Variants in WDR20 observed in about 807,000 individuals in gnomAD.
WDR20 encodes WD repeat domain 20.
Under a neutral mutation model 38.7 loss-of-function variants are expected in WDR20, and 3 were observed. The ratio of observed to expected loss-of-function variants is 0.08; its 90% CI spans 0.04 to 0.20. WDR20 has a LOEUF of 0.20. Ranked by LOEUF, WDR20 falls within the 10% of genes least tolerant of loss-of-function variation. The pLI, the probability that WDR20 is intolerant of heterozygous loss-of-function variation, is 1.00. For missense variants in WDR20, 559 were observed against 727.7 expected, an observed-to-expected ratio of 0.77 and a Z score of 2.67; for synonymous variants, 298 against 285.6, an observed-to-expected ratio of 1.04 and a Z score of -0.44.
At position 102,207,853 on chromosome 14, in the gene WDR20, G is replaced by A. The variant is rs77239022; in HGVS notation, c.433-750G>A. 1.3e-5 allele frequency among the ~76,000 whole-genome samples: 2 copies of A among 152,314 alleles called. No homozygotes were observed. The highest frequency in any genetic ancestry group is 3.9e-4 in the East Asian group (2 of 5,188). On this transcript the variant is annotated intron_variant, in intron 2 of 2. Coordinates refer to ENST00000342702, the MANE Select transcript of WDR20 (RefSeq NM_144574.4). This position sits in a 1 kb window ranked among gnomAD's most constrained non-coding sequence, Gnocchi z 5.0. ...GCCTGTTAAAGAAACATCTCGGTCA[G>A]GGGTCCAAAGTTAGCATATGGAGCA... is the stretch of plus-strand genomic sequence containing the variant.
intron 1 of WDR20, among the ~76,000 whole-genome samples, chr14:102,161,963 A>G (rs1197415619): frequency 6.6e-6 from 1 of 152,202 alleles, no homozygotes; most frequent in Non-Finnish European, 1.5e-5. Flanking sequence ...CGGCCAAGGA[A>G]ATACGCACTG....
intron 1 of WDR20, among the ~76,000 whole-genome samples, chr14:102,160,947 CAAAAAAA>C (rs57488628): frequency 1.8e-5 from 1 of 54,650 alleles, no homozygotes; most frequent in Admixed American, 3.3e-4. Context: ...GACTCTGTCT[CAAAAAAA>C]AAAAAAAAAA....
chr14:102,178,905 A>T (rs952181000), intron 1 of WDR20: 8 of 152,006 alleles, frequency 5.3e-5, no homozygotes, highest in African/African-American at 1.9e-4. Context: ...GGCGCGTCCC[A>T]CTTTATATTA....
chr14:102,153,372 T>A (rs1474745547), intron 1 of WDR20, among the ~76,000 whole-genome samples: 4 of 147,916 alleles, frequency 2.7e-5, no homozygotes, highest in African/African-American at 1.0e-4. Context: ...AGCAGTGTGA[T>A]CTCGGCTCAC....
At chr14:102,186,320 G>C (rs2064709801) in intron 1 of WDR20, among the ~76,000 whole-genome samples, 1 of 152,208 alleles carries the variant, frequency 6.6e-6, no homozygotes, top group African/African-American at 2.4e-5. Flanking sequence ...GTGCTGTGCA[G>C]CTGATTGTTA....
rs1269433864 is a variant in WDR20 at position 102,210,472 on chromosome 14, A to AT, written c.*596dup. 1 of 985,126 alleles carries AT rather than the reference A, an allele frequency of 1.0e-6. No individual in the cohort carries two copies. Among genetic ancestry groups the AT allele is most frequent in the East Asian group, 1.1e-4 (1 of 8,822 alleles). 61.0% of individuals were successfully genotyped at this position (985,126 alleles called of 1,614,324 possible). On this transcript the variant is annotated 3_prime_UTR_variant, in exon 3 of 3. Transcript: ENST00000342702. ...AGAAGAGCCTTAATTTTTAAAACCC[A>AT]TTTTAGTCATTTTATGACAATTAAA...
At chr14:102,150,227 G>C (rs1273920354) in intron 1 of WDR20, among the ~76,000 whole-genome samples, 1 of 152,142 alleles carries the variant, frequency 6.6e-6, no homozygotes, top group Non-Finnish European at 1.5e-5. Flanking sequence ...TGTAATCCTA[G>C]CACGTTGGGA....
intron 1 of WDR20, among the ~76,000 whole-genome samples, chr14:102,142,774 C>CTGTTTTTTTTTT (rs1193456475): frequency 3.5e-5 from 3 of 85,038 alleles, no homozygotes; most frequent in African/African-American, 1.3e-4. Context: ...GCTGTTTTGA[C>CTGTTTTTTTTTT]TTTTTTTTTT....
intron 1 of WDR20, among the ~76,000 whole-genome samples, chr14:102,140,800 T>C (rs2050754169): frequency 6.6e-6 from 1 of 152,204 alleles, no homozygotes; most frequent in Non-Finnish European, 1.5e-5. Context: ...GTGGGGACCT[T>C]CTGAAAGATT....
chr14:102,211,395 G>A (rs1054841304), downstream of WDR20, among the ~76,000 whole-genome samples: 1 of 151,922 alleles, frequency 6.6e-6, no homozygotes, highest in Admixed American at 6.6e-5. This position sits in a 1 kb window ranked among gnomAD's most constrained non-coding sequence, Gnocchi z 4.2. Flanking sequence ...CAGGAAAGCC[G>A]GGCCAGGTTC....
intron 2 of WDR20, among the ~76,000 whole-genome samples, chr14:102,197,595 G>A (rs1439722229): frequency 1.3e-5 from 2 of 152,220 alleles, no homozygotes; most frequent in Non-Finnish European, 2.9e-5. Flanking sequence ...GTGGGACTTG[G>A]AGTGTCAGAG....
At chr14:102,160,129 C>T (rs760139949) in intron 1 of WDR20, among the ~76,000 whole-genome samples, 3 of 150,684 alleles carry the variant, frequency 2.0e-5, no homozygotes, top group Non-Finnish European at 4.4e-5. Context: ...AACTTGAATG[C>T]GCTCAAATTA....
chr14:102,199,783 C>G (rs1262340492), intron 2 of WDR20, among the ~76,000 whole-genome samples: 1 of 152,206 alleles, frequency 6.6e-6, no homozygotes, highest in Non-Finnish European at 1.5e-5. Flanking sequence ...AAATTCCCAT[C>G]TGGGAACAAG....
chr14:102,200,268 A>G (rs2060073767), intron 2 of WDR20, among the ~76,000 whole-genome samples: 2 of 152,178 alleles, frequency 1.3e-5, no homozygotes. Context: ...AGCGTTCTGT[A>G]CATATGATGC....
intron 1 of WDR20, among the ~76,000 whole-genome samples, chr14:102,177,342 A>G (rs1283253053): frequency 2.6e-5 from 4 of 152,232 alleles, no homozygotes. Flanking sequence ...GTGAGACTGC[A>G]GGAACTGTGA....
chr14:102,139,945 A>G lies in WDR20; in HGVS notation c.22A>G (p.Lys8Glu). The G allele has an allele frequency of 6.2e-7, 1 of 1,613,460 alleles. No homozygotes were observed. The highest frequency in any genetic ancestry group is 8.5e-7 in the Non-Finnish European group (1 of 1,179,428). MATEGGG[K>E]EMNEIKTQFT... ...CAAGATGGCGACGGAGGGAGGAGGG[A>G]AGGAGATGAACGAGATTAAGACCCA... The change falls in exon 1 of 3, where the codon AAG becomes GAG. Residue 8 changes from lysine (K) to glutamate (E), a missense_variant. Lys to Glu is a moderately conservative substitution (Grantham distance 56). Transcript: ENST00000342702.
chr14:102,196,793 A>G (rs2059485013), intron 2 of WDR20, among the ~76,000 whole-genome samples: 1 of 152,184 alleles, frequency 6.6e-6, no homozygotes, highest in African/African-American at 2.4e-5. Flanking sequence ...ATTCTTCATG[A>G]TTTAAGCATG....
intron 1 of WDR20, among the ~76,000 whole-genome samples, chr14:102,156,995 TA>T (rs1312531209): frequency 6.6e-6 from 1 of 151,786 alleles, no homozygotes; most frequent in African/African-American, 2.4e-5. Context: ...CGTCTCAAAA[TA>T]AAAAATAAAT....
In WDR20 at chr14:102,209,052, C is replaced by T; in HGVS notation, c.882C>T (p.Cys294=). 6.2e-7 allele frequency: 1 copy of T among 1,614,062 alleles called. No homozygotes were observed. Among genetic ancestry groups the T allele is most frequent in the South Asian group, 1.1e-5 (1 of 91,074 alleles). The change falls in exon 3 of 3, where the codon TGC becomes TGT. Residue 294 remains cysteine, a synonymous_variant. Transcript: ENST00000342702. The surrounding 1 kb of genome is among the most constrained non-coding windows in gnomAD (Gnocchi z 6.0). ...DLVTVWSFVD[C]RVIARGHGHK... ...TGACAGTCTGGTCCTTTGTAGACTG[C>T]CGAGTAATAGCCAGAGGCCACGGGC... is the stretch of plus-strand genomic sequence containing the variant.
Sources: allele counts gnomAD v4.1 joint callset (sites outside exome capture counted in the v4.1 genomes callset), GRCh38; gene constraint gnomAD v4.1.1; non-coding constraint Gnocchi (gnomAD v3.1); transcripts MANE v1.5; gene names NCBI Gene and HGNC (gene_info 2026-07-23, HGNC 2026-07-21).